CYRIB: variants seen among roughly 807,000 people sequenced by gnomAD.
CYRIB encodes the protein CYFIP-related Rac1 interactor B.
Under a neutral mutation model 44.2 loss-of-function variants are expected in CYRIB, and 8 were observed. The ratio of observed to expected loss-of-function variants is 0.18; its 90% CI spans 0.11 to 0.33. CYRIB has a LOEUF of 0.33. Among genes scored for constraint, CYRIB ranks in the 10% least tolerant of loss-of-function variants. The pLI is 1.00. For synonymous variants in CYRIB, 131 were observed against 127.2 expected, an observed-to-expected ratio of 1.03 and a Z score of -0.20; for missense variants, 185 against 382.8, an observed-to-expected ratio of 0.48 and a Z score of 4.31.
At chr8:129,847,656 A>T (rs558104039) in intron 10 of CYRIB, among the ~76,000 whole-genome samples, 1 of 152,302 alleles carries the variant, frequency 6.6e-6, no homozygotes, top group African/African-American at 2.4e-5. Flanking sequence ...GCCTGGCAGC[A>T]GGGGACTCAC....
intron 1 of CYRIB, among the ~76,000 whole-genome samples, chr8:129,907,745 T>C (rs1345476422): frequency 3.9e-5 from 6 of 152,216 alleles, no homozygotes; most frequent in African/African-American, 1.4e-4. Flanking sequence ...CTCACGCCTG[T>C]AAGCCCAGCC....
At chr8:129,913,471 A>C (rs987108859) in intron 1 of CYRIB, among the ~76,000 whole-genome samples, 10 of 152,240 alleles carry the variant, frequency 6.6e-5, no homozygotes, top group Non-Finnish European at 1.5e-4. Context: ...AGAAAACCAA[A>C]GCACATTCTT....
intron 1 of CYRIB, among the ~76,000 whole-genome samples, chr8:129,929,337 G>T (rs2089918118): frequency 6.6e-6 from 1 of 152,120 alleles, no homozygotes; most frequent in South Asian, 2.1e-4. Context: ...GTAAGAGCTA[G>T]AAGATAGGAA....
chr8:129,925,074 T>G (rs1338557328), intron 1 of CYRIB, among the ~76,000 whole-genome samples: 1 of 152,194 alleles, frequency 6.6e-6, no homozygotes, highest in African/African-American at 2.4e-5. Flanking sequence ...AATTATGTGC[T>G]ATCAGAGAGC....
chr8:129,840,705 TAAGG>T (rs2035914483), exon 12 of CYRIB: 1 of 152,152 alleles, frequency 6.6e-6, no homozygotes, highest in Admixed American at 6.6e-5. Flanking sequence ...AGACCAGAGC[TAAGG>T]AAGTGACATC....
At chr8:129,899,769 A>G (rs141535974) in intron 2 of CYRIB, among the ~76,000 whole-genome samples, 173 of 152,372 alleles carry the variant, frequency 1.1e-3, no homozygotes, top group African/African-American at 3.3e-3. Context: ...ATCCTTAGCT[A>G]CAAAGATCAA....
intron 1 of CYRIB, among the ~76,000 whole-genome samples, chr8:129,919,878 T>TC (rs750774368): frequency 6.6e-5 from 10 of 152,072 alleles, no homozygotes; most frequent in Non-Finnish European, 1.5e-4. Context: ...CTGAGACAAC[T>TC]CCAAGAATTC....
At chr8:129,932,560 C>T (rs767959070) in intron 1 of CYRIB, among the ~76,000 whole-genome samples, 1 of 152,180 alleles carries the variant, frequency 6.6e-6, no homozygotes, top group Non-Finnish European at 1.5e-5. Flanking sequence ...AGTGCAAATG[C>T]TGATACTCTG....
At chr8:129,992,968 T>G (rs1433187323) in intron 1 of CYRIB, among the ~76,000 whole-genome samples, 1 of 152,180 alleles carries the variant, frequency 6.6e-6, no homozygotes, top group African/African-American at 2.4e-5. Flanking sequence ...TCTGGTAGCA[T>G]AGTGTTTCCT....
At position 129,847,061 on chromosome 8, in the gene CYRIB, A is replaced by G. The variant is rs1169518452; in HGVS notation, c.841-187T>C. On this transcript the variant is annotated intron_variant, in intron 10 of 11. Transcript: ENST00000519824. Reference sequence around the variant, plus strand: ...GTTATTATTCTCACTTAGTGAAAACAAAATCTTTTTGAGAACAAAATCAGT... The same window carrying G: ...GTTATTATTCTCACTTAGTGAAAACGAAATCTTTTTGAGAACAAAATCAGT... The G allele has an allele frequency of 6.2e-6, 3 of 486,418 alleles. No homozygotes were observed. The Admixed American group carries it at 1.2e-4, about 20-fold the overall frequency. The allele number at this position is 486,418 out of a possible 1,614,324, so 30.1% of individuals were successfully genotyped here.
At chr8:130,016,779 C>G (rs1014029152), upstream of CYRIB, 2 of 151,094 alleles carry the variant, frequency 1.3e-5, no homozygotes, top group African/African-American at 4.8e-5. Flanking sequence ...CCGCCTGGCC[C>G]GTGTCCTCCC....
At chr8:129,928,104 C>T (rs185228128) in intron 1 of CYRIB, among the ~76,000 whole-genome samples, 1 of 151,466 alleles carries the variant, frequency 6.6e-6, no homozygotes, top group East Asian at 1.9e-4. Flanking sequence ...ATGACACACA[C>T]TGCACCATTC....
At chr8:129,987,417 G>A (rs1436898379) in intron 1 of CYRIB, among the ~76,000 whole-genome samples, 1 of 152,080 alleles carries the variant, frequency 6.6e-6, no homozygotes, top group Non-Finnish European at 1.5e-5. Flanking sequence ...TCTGACTGTG[G>A]CTTGTTGATG....
chr8:129,957,042 TGTAGACACAGG>T (rs1219916638), intron 2 of CYRIB, among the ~76,000 whole-genome samples: 1 of 152,036 alleles, frequency 6.6e-6, no homozygotes, highest in Non-Finnish European at 1.5e-5. Flanking sequence ...TTTTTGTGTG[TGTAGACACAGG>T]GTCTTGCTGT....
chr8:129,873,426 C>A (rs1186730041), intron 3 of CYRIB, among the ~76,000 whole-genome samples: 1 of 151,918 alleles, frequency 6.6e-6, no homozygotes, highest in African/African-American at 2.4e-5. Context: ...AATAGTCAGA[C>A]ATACACTCTT....
intron 3 of CYRIB, among the ~76,000 whole-genome samples, chr8:129,879,146 A>G (rs1056986507): frequency 1.3e-5 from 2 of 152,234 alleles, no homozygotes; most frequent in African/African-American, 4.8e-5. Context: ...CGTAAATTAC[A>G]AAATAATCTC....
chr8:129,854,066 T>C (rs1444623195), intron 7 of CYRIB, among the ~76,000 whole-genome samples, 200 bp downstream of exon 9: 1 of 152,178 alleles, frequency 6.6e-6, no homozygotes, highest in African/African-American at 2.4e-5. Flanking sequence ...TTGTGGGAAT[T>C]TAAGAGACTG....
intron 1 of CYRIB, among the ~76,000 whole-genome samples, chr8:129,928,068 T>C (rs1204360456): frequency 6.6e-6 from 1 of 151,888 alleles, no homozygotes; most frequent in Non-Finnish European, 1.5e-5. Flanking sequence ...TCTCATAATC[T>C]TTGGTGAGGC....
At position 129,924,314 on chromosome 8, in the gene CYRIB, G is replaced by GGGGGA. The variant is rs1554645242; in HGVS notation, c.-50+15293_-50+15294insTCCCC. 1.2e-3 allele frequency among the ~76,000 whole-genome samples: 43 copies of GGGGGA among 34,930 alleles called. 2 individuals are homozygous for GGGGGA. Among genetic ancestry groups the GGGGGA allele is most frequent in the Admixed American group, 1.5e-3 (4 of 2,700 alleles). 22.9% of individuals were successfully genotyped at this position (34,930 alleles called of 152,430 possible). A position where few individuals can be genotyped will look rare whatever the true frequency, so the allele number is the denominator to read the frequency against. On this transcript the variant is annotated intron_variant, in intron 1 of 11. Transcript: ENST00000519824. ...ACCGGGGGGGGGGGGGGTGGCGGGG[G>GGGGGA]GGGTGTTACTTACCTCACATCAGTG...
Sources: allele counts gnomAD v4.1 joint callset (sites outside exome capture counted in the v4.1 genomes callset), GRCh38; gene constraint gnomAD v4.1.1; transcripts MANE v1.5; gene names NCBI Gene and HGNC (gene_info 2026-07-23, HGNC 2026-07-21).